FBXO42: variants seen among roughly 807,000 people sequenced by gnomAD.
The protein encoded by FBXO42 is F-box protein 42.
Under a neutral mutation model 71.7 loss-of-function variants are expected in FBXO42, and 12 were observed. That is an observed-to-expected ratio of 0.17 (90% confidence interval 0.11 to 0.27). The LOEUF (loss-of-function observed/expected upper bound fraction) is 0.27. Among genes scored for constraint, FBXO42 ranks in the 10% least tolerant of loss-of-function variants. The pLI is 1.00. For missense variants in FBXO42, 707 were observed against 911.9 expected, an observed-to-expected ratio of 0.78 and a Z score of 2.89; for synonymous variants, 325 against 327.5, an observed-to-expected ratio of 0.99 and a Z score of 0.08.
chr1:16,318,589 A>G (rs1023371007), intron 1 of FBXO42, among the ~76,000 whole-genome samples: 2 of 152,186 alleles, frequency 1.3e-5, no homozygotes, highest in African/African-American at 4.8e-5. Flanking sequence ...CTATGACATT[A>G]TACACAAAGT....
intron 3 of FBXO42, 83 bp from the exon 4 acceptor site, chr1:16,295,000 C>T: frequency 1.4e-6 from 2 of 1,445,172 alleles, no homozygotes; most frequent in Non-Finnish European, 1.8e-6. Flanking sequence ...TTTTTCAAAG[C>T]TTATTTCACA....
intron 1 of FBXO42, among the ~76,000 whole-genome samples, chr1:16,323,736 G>A (rs1249285559): frequency 1.4e-5 from 2 of 145,582 alleles, no homozygotes; most frequent in Non-Finnish European, 3.0e-5. Flanking sequence ...ATTGCAGTGA[G>A]CCGAGATCGT....
At chr1:16,270,890 G>C (rs2081836464) in intron 4 of FBXO42, among the ~76,000 whole-genome samples, 1 of 151,468 alleles carries the variant, frequency 6.6e-6, no homozygotes, top group Non-Finnish European at 1.5e-5. Context: ...GAAGCGTATA[G>C]CTTGCTGAGG....
chr1:16,336,925 T>G (rs1289564515), intron 1 of FBXO42, among the ~76,000 whole-genome samples: 3 of 151,986 alleles, frequency 2.0e-5, no homozygotes, highest in Non-Finnish European at 4.4e-5. Flanking sequence ...GTGGAGGTTG[T>G]GGTAAGCAGA....
intron 1 of FBXO42, among the ~76,000 whole-genome samples, chr1:16,339,183 T>C (rs2082580381): frequency 2.0e-5 from 3 of 152,250 alleles, no homozygotes; most frequent in Admixed American, 2.0e-4. Context: ...CTCACTTCTC[T>C]AGAGCAGAGG....
chr1:16,262,368 C>T lies in FBXO42; in HGVS notation c.503-5609G>A, dbSNP rs76795750. On this transcript the variant is annotated intron_variant, in intron 4 of 9. Coordinates refer to ENST00000375592, the MANE Select transcript of FBXO42 (RefSeq NM_018994.3). ...TGTTTAAAGCAGATGGTCCTTAATT[C>T]CCTCTCGATGATCTTAAAGCAAAAT... is the stretch of plus-strand genomic sequence containing the variant. Among the ~76,000 whole-genome samples the T allele has an allele frequency of 1.5e-3, 223 of 152,260 alleles. 1 individual carries two copies. Among genetic ancestry groups the T allele is most frequent in the Non-Finnish European group, 2.4e-3 (166 of 68,030 alleles).
chr1:16,253,037 A>G, intron 8 of FBXO42, 59 bp downstream of exon 8: 1 of 1,457,098 alleles, frequency 6.9e-7, no homozygotes. Flanking sequence ...AAGACAGGGG[A>G]AACAGGTTTT....
chr1:16,302,897 G>A (rs1160369756), intron 3 of FBXO42, among the ~76,000 whole-genome samples: 1 of 152,108 alleles, frequency 6.6e-6, no homozygotes, highest in Non-Finnish European at 1.5e-5. Context: ...CCATGATCCA[G>A]TCTCCTCCCA....
intron 4 of FBXO42, chr1:16,293,635 T>C (rs1028890454): frequency 1.3e-5 from 2 of 152,210 alleles, no homozygotes; most frequent in African/African-American, 4.8e-5. Context: ...ATCCACTCAG[T>C]AGGCTCCTCC....
intron 1 of FBXO42, among the ~76,000 whole-genome samples, chr1:16,320,533 T>C (rs1301859016): frequency 6.6e-6 from 1 of 152,036 alleles, no homozygotes; most frequent in African/African-American, 2.4e-5. Context: ...AGATAGGGTC[T>C]CACTCTGTCA....
intron 4 of FBXO42, among the ~76,000 whole-genome samples, chr1:16,278,421 C>T (rs751895131): frequency 5.3e-5 from 8 of 151,902 alleles, no homozygotes; most frequent in African/African-American, 1.2e-4. Context: ...TTAGCACCGA[C>T]GTTTGGGACC....
intron 1 of FBXO42, among the ~76,000 whole-genome samples, chr1:16,350,753 A>AGAC (rs1553156680): frequency 3.5e-5 from 1 of 28,870 alleles, no homozygotes; most frequent in Non-Finnish European, 6.3e-5. Context: ...CAAAAAAAAA[A>AGAC]AAAAAAAGAA....
chr1:16,291,114 T>C (rs1198582640), intron 4 of FBXO42, among the ~76,000 whole-genome samples: 1 of 152,224 alleles, frequency 6.6e-6, no homozygotes, highest in Non-Finnish European at 1.5e-5. Context: ...ATTACCTTCC[T>C]GTACATACTC....
Position 16,294,766 on chromosome 1 carries a change from A to G in FBXO42, c.502+17T>C. 1.9e-6 allele frequency: 3 copies of G among 1,611,700 alleles called. No homozygotes were observed. The highest frequency in any genetic ancestry group is 2.5e-6 in the Non-Finnish European group (3 of 1,178,646). The stretch of plus-strand genomic sequence containing the variant: ...GTCACCTGGTAAGGAGGCAAAGATC[A>G]GCATTTCATCTCTTACCTGAAGCCA... On this transcript the variant is annotated intron_variant, in intron 4 of 9. Coordinates refer to ENST00000375592, the MANE Select transcript of FBXO42 (RefSeq NM_018994.3).
chr1:16,306,908 T>C (rs2082256929), intron 2 of FBXO42, among the ~76,000 whole-genome samples: 1 of 152,012 alleles, frequency 6.6e-6, no homozygotes, highest in Admixed American at 6.6e-5. Flanking sequence ...TTGTTTTCTT[T>C]TTTTTTCTTT....
At chr1:16,292,731 C>A (rs894599963) in intron 4 of FBXO42, 1 of 152,118 alleles carries the variant, frequency 6.6e-6, no homozygotes, top group African/African-American at 2.4e-5. Flanking sequence ...GAAAGAGCAC[C>A]ACCCATGCTA....
intron 1 of FBXO42, among the ~76,000 whole-genome samples, chr1:16,338,354 CAA>C (rs55865669): frequency 9.5e-4 from 103 of 108,152 alleles, no homozygotes; most frequent in South Asian, 1.8e-3. Flanking sequence ...GCCCTATCTC[CAA>C]AAAAAAAAAA....
At chr1:16,345,932 G>T (rs1018863660) in intron 1 of FBXO42, among the ~76,000 whole-genome samples, 3 of 151,446 alleles carry the variant, frequency 2.0e-5, no homozygotes, top group Non-Finnish European at 2.9e-5. Flanking sequence ...AGGTGAATCC[G>T]GGATAGCTTG....
intron 1 of FBXO42, among the ~76,000 whole-genome samples, chr1:16,331,320 G>A (rs1264663306): frequency 1.3e-5 from 2 of 151,974 alleles, no homozygotes; most frequent in Non-Finnish European, 2.9e-5. Flanking sequence ...GGCTGAGGCA[G>A]GAGAATGGCG....
Sources: gnomAD v4.1 joint callset for allele counts (sites outside exome capture counted in the v4.1 genomes callset) on GRCh38, gnomAD v4.1.1 for gene constraint, MANE v1.5 for transcripts, NCBI Gene and HGNC (gene_info 2026-07-23, HGNC 2026-07-21) for gene names.